Variants in BAIAP3 observed in about 807,000 individuals in gnomAD.
BAIAP3 encodes BAI1-associated protein 3.
In BAIAP3, 180 loss-of-function variants were observed where a neutral mutation model predicts 149.7. That is an observed-to-expected ratio of 1.20 (90% confidence interval 1.07 to 1.36). The LOEUF is 1.36. BAIAP3 is among the 40% of genes most tolerant of loss of function. BAIAP3 has a pLI of 0.00. For missense variants in BAIAP3, 1,767 were observed against 1,563.4 expected (o/e 1.13, Z -2.20); for synonymous variants, 845 against 670.7 (o/e 1.26, Z -4.02).
intron 3 of BAIAP3, 27 bp downstream of exon 3, chr16:1,339,016 T>A (rs567825366): frequency 6.2e-7 from 1 of 1,611,496 alleles, no homozygotes; most frequent in East Asian, 2.2e-5. Flanking sequence ...CAGGGCCCGA[T>A]ACCACAGCCC....
At chr16:1,336,444 CA>C in intron 1 of BAIAP3, 2 of 954,936 alleles carry the variant, frequency 2.1e-6, no homozygotes, top group Non-Finnish European at 2.5e-6. Context: ...GTGGGAGACG[CA>C]AACCCTCCTT....
At chr16:1,337,083 G>T (rs569593169) in intron 1 of BAIAP3, among the ~76,000 whole-genome samples, 1 of 152,158 alleles carries the variant, frequency 6.6e-6, no homozygotes, top group Non-Finnish European at 1.5e-5. Flanking sequence ...CTGCTGGGGG[G>T]CAGAGGCAGT....
At chr16:1,336,346 C>T in intron 1 of BAIAP3, 5 of 985,398 alleles carry the variant, frequency 5.1e-6, no homozygotes, top group Non-Finnish European at 6.0e-6. Flanking sequence ...ACCAAGCCCC[C>T]CCATCTTTTG....
At chr16:1,334,499 T>C in intron 1 of BAIAP3, 1 of 635,154 alleles carries the variant, frequency 1.6e-6, no homozygotes, top group Non-Finnish European at 2.8e-6. Flanking sequence ...GAGGGAGCGC[T>C]GCGCAGACAC....
In BAIAP3 at chr16:1,346,979, C is replaced by G. The variant is rs537511028; in HGVS notation, c.2751+24C>G. 1.7e-4 allele frequency: 262 copies of G among 1,554,022 alleles called. 6 individuals carry two copies. The South Asian group carries it at 2.9e-3, about 17-fold the overall frequency. On this transcript the variant is annotated intron_variant, in intron 28 of 33. Transcript: ENST00000426824. ...AGGTAGAGCTCTGTGAAGGAGTCCT[C>G]CCCGCCGGCCCCCGCCTCAGGGCTG... is the stretch of plus-strand genomic sequence containing the variant.
rs759095498 is a variant in BAIAP3 at position 1,346,049 on chromosome 16, G to A, written c.2272G>A (p.Gly758Arg). 14 of 1,611,480 alleles carry A rather than the reference G, an allele frequency of 8.7e-6. No homozygotes were observed. The highest frequency in any genetic ancestry group is 2.7e-5 in the African/African-American group (2 of 74,938). Residue 758 changes from glycine to arginine, a missense_variant, in exon 24 of 34, where the codon GGG (glycine) becomes AGG (arginine). Transcript: ENST00000426824. ...LLRKKVDTQP[G>R]AAGEAVSEAL... ...TCGGAAGAAGGTGGACACTCAGCCAGGGGCGGCCGGTGAAGCAGTGAGCGA... is the reference window on the plus strand; with the variant it reads ...TCGGAAGAAGGTGGACACTCAGCCAAGGGCGGCCGGTGAAGCAGTGAGCGA...
chr16:1,347,216 G>A, intron 28 of BAIAP3, 82 bp from the exon 29 acceptor site: 1 of 1,397,518 alleles, frequency 7.2e-7, no homozygotes, highest in Non-Finnish European at 9.9e-7. Flanking sequence ...GTGCTGCCTG[G>A]GCCCCTTTGT....
rs577136844 is a variant in BAIAP3 at position 1,348,821 on chromosome 16, G to C, written c.*339G>C. Reference sequence around the variant, plus strand: ...CCCGGCCCTGGGTGGGCGGTGGGCAGCTGGTCTCCAGGGACTCAGTGAGTG... The same window carrying C: ...CCCGGCCCTGGGTGGGCGGTGGGCACCTGGTCTCCAGGGACTCAGTGAGTG... On this transcript the variant is annotated 3_prime_UTR_variant, in exon 34 of 34. Transcript: ENST00000426824. The C allele has an allele frequency of 1.6e-5, 7 of 435,724 alleles. No homozygotes were observed. The East Asian group carries it at 3.1e-4, about 19-fold the overall frequency. The allele number at this position is 435,724 out of a possible 1,614,324, so 27.0% of individuals were successfully genotyped here. A position where few individuals can be genotyped will look rare whatever the true frequency, so the allele number is the denominator to read the frequency against.
rs749797228 is a variant in BAIAP3, at chr16:1,341,496, C to G, written c.731+7C>G. 7.5e-6 allele frequency: 12 copies of G among 1,601,104 alleles called. No homozygotes were observed. In the Admixed American group the frequency reaches 8.4e-5, roughly 11 times the overall value. ...GGAAGGAGCACTTCCTCTTGTGAGGCCCTCGCCCGTCTGGGTGCGGGAGGG... is the reference window on the plus strand; with the variant it reads ...GGAAGGAGCACTTCCTCTTGTGAGGGCCTCGCCCGTCTGGGTGCGGGAGGG... On this transcript the variant is annotated splice_region_variant and intron_variant, in intron 8 of 33. Coordinates refer to ENST00000426824, the MANE Select transcript of BAIAP3 (RefSeq NM_001199097.2).
Position 1,345,700 on chromosome 16 carries a change from AGCCTCCCCT to A in BAIAP3, c.2065-38_2065-30del, listed in dbSNP as rs753004070. ...CAACCCCCGCCTCCCCCACCTCCCCAGCCTCCCCTGCCTCCCCAGCAAACCCAGCCTCCC... is the reference window on the plus strand; with the variant it reads ...CAACCCCCGCCTCCCCCACCTCCCCAGCCTCCCCAGCAAACCCAGCCTCCC... On this transcript the variant is annotated intron_variant, in intron 22 of 33. Transcript: ENST00000426824. The A allele has an allele frequency of 3.9e-3, 863 of 220,536 alleles. 3 individuals are homozygous for A. Among genetic ancestry groups the A allele is most frequent in the Admixed American group, 9.7e-3 (49 of 5,076 alleles). The allele number at this position is 220,536 out of a possible 1,614,324, so 13.7% of individuals were successfully genotyped here.
Position 1,342,802 on chromosome 16 carries a change from C to T in BAIAP3, c.1149C>T (p.His383=). 6.2e-7 allele frequency: 1 copy of T among 1,612,720 alleles called. No homozygotes were observed. Among genetic ancestry groups the T allele is most frequent in the East Asian group, 2.2e-5 (1 of 44,878 alleles). ...LLLSHLLRLE[H]SAEEPNSSSW... is the part of the protein sequence containing the mutation. Reference sequence around the variant, plus strand: ...TCAGCCATCTGCTGCGGTTGGAGCACTCAGCAGAGGAGGTAGTGGGTGCGC... The same window carrying T: ...TCAGCCATCTGCTGCGGTTGGAGCATTCAGCAGAGGAGGTAGTGGGTGCGC... Residue 383 remains histidine, a synonymous_variant, in exon 13 of 34, where the codon CAC becomes CAT. Transcript: ENST00000426824.
Position 1,346,504 on chromosome 16 carries a change from C to T in BAIAP3, c.2556C>T (p.Asn852=), listed in dbSNP as rs114876030. 3.7e-4 allele frequency: 590 copies of T among 1,610,934 alleles called. 4 individuals carry two copies. In the African/African-American group the frequency reaches 6.7e-3, roughly 18 times the overall value. The change falls in exon 26 of 34, where the codon AAC becomes AAT. Residue 852 remains asparagine (N), a synonymous_variant. Transcript: ENST00000426824. ...HISLSPDSIQ[N]DEAVAPLMKY... ...GTCTCTCGCCTGACTCCATCCAGAA[C>T]GATGAGGTGAGTGCCGGGGCGAGGG...
At position 1,342,811 on chromosome 16, in the gene BAIAP3, G is replaced by C; in HGVS notation, c.1158G>C (p.Glu386Asp). 6.2e-7 allele frequency: 1 copy of C among 1,612,702 alleles called. No individual in the cohort carries two copies. Among genetic ancestry groups the C allele is most frequent in the Non-Finnish European group, 8.5e-7 (1 of 1,179,990 alleles). Residue 386 changes from glutamate (E) to aspartate (D), a missense_variant, in exon 13 of 34, where the codon GAG becomes GAC. Physicochemically the swap from Glu to Asp is conservative, Grantham distance 45. Coordinates refer to ENST00000426824, the MANE Select transcript of BAIAP3 (RefSeq NM_001199097.2). ...TGCTGCGGTTGGAGCACTCAGCAGA[G>C]GAGGTAGTGGGTGCGCCTAGGATTG... ...SHLLRLEHSAEEPNSSSWRGE... is the reference protein window; with the variant it reads ...SHLLRLEHSADEPNSSSWRGE...
Position 1,344,629 on chromosome 16 carries a change from T to TTGTGCTGGC in BAIAP3, c.1691_1699dup (p.Val564_Ala566dup), listed in dbSNP as rs1337287097. ...GGACCACAGCGCCTGCCTGGGCTGG[T>TTGTGCTGGC]TGTGCTGGCTGACGCCGTCTATGAT... On this transcript the variant is annotated inframe_insertion, in exon 19 of 34. Transcript: ENST00000426824. 1.9e-6 allele frequency: 3 copies of TTGTGCTGGC among 1,613,198 alleles called. No homozygotes were observed. In the African/African-American group the frequency reaches 4.0e-5, roughly 22 times the overall value.
chr16:1,348,502 C>T lies in BAIAP3; in HGVS notation c.*20C>T, dbSNP rs372189358. ...CCCTGAGTCCATCAGCTGCCAGCCC[C>T]GGCCCTGGCCCCCACCCCAAGTTCC... On this transcript the variant is annotated 3_prime_UTR_variant, in exon 34 of 34. Coordinates refer to ENST00000426824, the MANE Select transcript of BAIAP3 (RefSeq NM_001199097.2). 24 of 1,585,842 alleles carry T rather than the reference C, an allele frequency of 1.5e-5. No homozygotes were observed. The highest frequency in any genetic ancestry group is 1.9e-4 in the Middle Eastern group (1 of 5,174).
intron 11 of BAIAP3, 101 bp downstream of exon 11, chr16:1,342,384 T>C (rs2033985114): frequency 7.0e-7 from 1 of 1,422,014 alleles, no homozygotes; most frequent in South Asian, 1.2e-5. Context: ...CTCCTGCTTT[T>C]GGGCCTCCAC....
Position 1,341,838 on chromosome 16 carries a change from A to G in BAIAP3, c.748A>G (p.Ser250Gly), listed in dbSNP as rs2141587880. 6.2e-7 allele frequency: 1 copy of G among 1,612,402 alleles called. No individual in the cohort carries two copies. The highest frequency in any genetic ancestry group is 2.2e-5 in the East Asian group (1 of 44,860). The change falls in exon 9 of 34, where the codon AGC (serine) becomes GGC (glycine). Residue 250 changes from serine to glycine, a missense_variant. Ser to Gly is a moderately conservative substitution (Grantham distance 56, BLOSUM62 0). Transcript: ENST00000426824. ...TCCTTGTAGCGAGATTGAGGATGTG[A>G]GCACGGACCAGCTGCACCTGGACAT... ...EHFLFEIEDV[S>G]TDQLHLDIWD...
rs145876113 is a variant in BAIAP3, at chr16:1,348,183, C to T, written c.3237C>T (p.Phe1079=). ...MDHDWLSTND[F]AGEAALGLGG... ...ACGACTGGCTGTCCACCAACGACTTCGCTGGGGAGGCGGCCCTCGGCCTAG... is the reference window on the plus strand; with the variant it reads ...ACGACTGGCTGTCCACCAACGACTTTGCTGGGGAGGCGGCCCTCGGCCTAG... Residue 1079 remains phenylalanine (F), a synonymous_variant, in exon 33 of 34, where the codon TTC becomes TTT. Coordinates refer to ENST00000426824, the MANE Select transcript of BAIAP3 (RefSeq NM_001199097.2). The T allele has an allele frequency of 4.8e-4, 776 of 1,609,284 alleles. 5 individuals are homozygous for T. In the African/African-American group the frequency reaches 9.0e-3, roughly 19 times the overall value.
At chr16:1,344,744 AACAGGG>A in intron 19 of BAIAP3, 46 bp downstream of exon 19, 1 of 652,704 alleles carries the variant, frequency 1.5e-6, no homozygotes, top group South Asian at 3.3e-5. Context: ...GGTCGGAGCC[AACAGGG>A]CCTGCAGGTG....
Sources: allele counts gnomAD v4.1 joint callset (sites outside exome capture counted in the v4.1 genomes callset), GRCh38; gene constraint gnomAD v4.1.1; transcripts MANE v1.5; gene names NCBI Gene and HGNC (gene_info 2026-07-23, HGNC 2026-07-21).